Variants in SEMA3B observed in about 807,000 individuals in gnomAD.
SEMA3B encodes semaphorin 3B.
SEMA3B carries 71 observed loss-of-function variants against 77.8 expected under a neutral mutation model. The ratio of observed to expected loss-of-function variants is 0.91; its 90% CI spans 0.75 to 1.11. SEMA3B has a LOEUF of 1.11. SEMA3B is among the 50% of genes most tolerant of loss of function. The pLI, the probability that SEMA3B is intolerant of heterozygous loss-of-function variation, is 0.00. For missense variants in SEMA3B, 968 were observed against 1,056.8 expected (o/e 0.92, Z 1.17); for synonymous variants, 470 against 452.9 (o/e 1.04, Z -0.48).
the SEMA3B span, chr3:50,261,615 C>T: frequency 1.3e-5 from 2 of 152,310 alleles, no homozygotes; most frequent in African/African-American, 4.8e-5. Flanking sequence ...AGGTGCAGAC[C>T]TAGATGCCAG....
rs782813362 is a variant in SEMA3B at position 50,269,369 on chromosome 3, G to T, written c.109+20G>T. 2.9e-6 allele frequency: 4 copies of T among 1,398,522 alleles called. No homozygotes were observed. The Admixed American group carries it at 7.8e-5, about 27-fold the overall frequency. The allele number at this position is 1,398,522 out of a possible 1,614,324, so 86.6% of individuals were successfully genotyped here. ...TCCAAGGTAGGTGCACCTGGCAGGC[G>T]GGAGGGCCCAGCTTGAGGTGGGCAG... On this transcript the variant is annotated intron_variant, in intron 1 of 16. Coordinates refer to ENST00000616701, the MANE Select transcript of SEMA3B (RefSeq NM_001290060.2). The surrounding 1 kb of genome is among the most constrained non-coding windows in gnomAD (Gnocchi z 4.0).
In SEMA3B at chr3:50,276,471, C is replaced by A. The variant is rs377270978; in HGVS notation, c.2015C>A (p.Ala672Glu). Residue 672 changes from alanine (A) to glutamate (E), a missense_variant, in exon 17 of 17, where the codon GCG (alanine) becomes GAG (glutamate). By Grantham distance (107) the Ala-to-Glu change is moderately radical. Coordinates refer to ENST00000616701, the MANE Select transcript of SEMA3B (RefSeq NM_001290060.2). The surrounding 1 kb of genome is among the most constrained non-coding windows in gnomAD (Gnocchi z 5.8). Reference protein sequence around the residue: ...VLSATQAERLARAEEAAPAAP... With the variant: ...VLSATQAERLERAEEAAPAAP... ...AGTGCTACGCAGGCCGAACGACTGG[C>A]GCGGGCCGAGGAGGCTGCGCCCGCC... is the stretch of plus-strand genomic sequence containing the variant. 2.6e-5 allele frequency: 40 copies of A among 1,531,580 alleles called. No individual in the cohort carries two copies. The highest frequency in any genetic ancestry group is 3.4e-5 in the Non-Finnish European group (39 of 1,143,654). 94.9% of individuals were successfully genotyped at this position (1,531,580 alleles called of 1,614,324 possible).
At chr3:50,264,227 A>C (rs1190733147), upstream of SEMA3B, among the ~76,000 whole-genome samples, 1 of 152,062 alleles carries the variant, frequency 6.6e-6, no homozygotes, top group Non-Finnish European at 1.5e-5. Flanking sequence ...AGAAGAAAAA[A>C]AAAAGTACTG....
rs1701210834 is a variant in SEMA3B, at chr3:50,275,634, C to G, written c.1705+19C>G. On this transcript the variant is annotated intron_variant, in intron 15 of 16. Transcript: ENST00000616701. This position sits in a 1 kb window ranked among gnomAD's most constrained non-coding sequence, Gnocchi z 7.5. ...TCCGGAGGTGAGTGCCCCAGCTGCC[C>G]CTACCCTCAGCCCCAGAAGACGCCC... The G allele has an allele frequency of 1.2e-6, 2 of 1,613,718 alleles. No individual in the cohort carries two copies. The highest frequency in any genetic ancestry group is 1.7e-6 in the Non-Finnish European group (2 of 1,179,800).
At chr3:50,266,909 A>G (rs1389177456), upstream of SEMA3B, 2 of 152,218 alleles carry the variant, frequency 1.3e-5, no homozygotes, top group Non-Finnish European at 2.9e-5. Flanking sequence ...AGCCAGAGGA[A>G]GGGAGGTCAC....
rs782782150 is a variant in SEMA3B, at chr3:50,270,812, G to A, written c.331-78G>A. 1.9e-6 allele frequency: 3 copies of A among 1,539,544 alleles called. No homozygotes were observed. The highest frequency in any genetic ancestry group is 2.6e-6 in the Non-Finnish European group (3 of 1,138,986). ...TGGGCTGATGCCGAAGAGAGGGAGG[G>A]GTGAGGATGCCACTGGTGAGCTGGG... On this transcript the variant is annotated intron_variant, in intron 3 of 16. Transcript: ENST00000616701. This position sits in a 1 kb window ranked among gnomAD's most constrained non-coding sequence, Gnocchi z 4.7.
In SEMA3B at chr3:50,270,228, G is replaced by T. The variant is rs782783079; in HGVS notation, c.211G>T (p.Ala71Ser). 1.2e-5 allele frequency: 20 copies of T among 1,612,086 alleles called. No individual in the cohort carries two copies. The highest frequency in any genetic ancestry group is 1.7e-5 in the Non-Finnish European group (20 of 1,179,432). Reference protein sequence around the residue: ...DEERGRLFVGAENHVASLNLD... With the variant: ...DEERGRLFVGSENHVASLNLD... ...GGAGCGTGGACGCCTGTTTGTGGGT[G>T]CCGAGAACCATGTGGCCTCCCTCAA... The change falls in exon 2 of 17, where the codon GCC becomes TCC. Residue 71 changes from alanine (A) to serine (S), a missense_variant. By Grantham distance (99) the Ala-to-Ser change is moderately conservative (BLOSUM62 1). Transcript: ENST00000616701. This position sits in a 1 kb window ranked among gnomAD's most constrained non-coding sequence, Gnocchi z 4.7.
rs781952057 is a variant in SEMA3B at position 50,274,395 on chromosome 3, C to T, written c.1170C>T (p.Ser390=). Reference sequence around the variant, plus strand: ...GCAAGACCTTTGGCACCTTCAGTTCCACCAAGGACTTCCCAGACGATGTCA... The same window carrying T: ...GCAAGACCTTTGGCACCTTCAGTTCTACCAAGGACTTCCCAGACGATGTCA... The part of the protein sequence containing the change: ...CPSKTFGTFS[S]TKDFPDDVIQ... Residue 390 remains serine (S), a synonymous_variant, in exon 11 of 17, where the codon TCC becomes TCT. Transcript: ENST00000616701. This position sits in a 1 kb window ranked among gnomAD's most constrained non-coding sequence, Gnocchi z 4.7. The T allele has an allele frequency of 1.3e-6, 2 of 1,501,758 alleles. No individual in the cohort carries two copies. The highest frequency in any genetic ancestry group is 4.8e-5 in the East Asian group (2 of 41,988). The allele number at this position is 1,501,758 out of a possible 1,614,324, so 93.0% of individuals were successfully genotyped here. A position where few individuals can be genotyped will look rare whatever the true frequency, so the allele number is the denominator to read the frequency against.
Position 50,275,659 on chromosome 3 carries a change from C to T in SEMA3B, c.1705+44C>T, listed in dbSNP as rs782078370. ...CCTACCCTCAGCCCCAGAAGACGCC[C>T]CACCTGCCCTGCCTTGCCTAAATCT... On this transcript the variant is annotated intron_variant, in intron 15 of 16. Coordinates refer to ENST00000616701, the MANE Select transcript of SEMA3B (RefSeq NM_001290060.2). This position sits in a 1 kb window ranked among gnomAD's most constrained non-coding sequence, Gnocchi z 7.5. 44 of 1,613,328 alleles carry T rather than the reference C, an allele frequency of 2.7e-5. No individual in the cohort carries two copies. The East Asian group carries it at 4.0e-4, about 15-fold the overall frequency.
upstream of SEMA3B, among the ~76,000 whole-genome samples, chr3:50,265,377 T>C (rs1325060311): frequency 6.6e-6 from 1 of 151,846 alleles, no homozygotes; most frequent in Non-Finnish European, 1.5e-5. Context: ...ACTGGGAGGG[T>C]TGCCACAACC....
chr3:50,262,833 C>G (rs1553704120), upstream of SEMA3B: 1 of 152,318 alleles, frequency 6.6e-6, no homozygotes, highest in African/African-American at 2.4e-5. Flanking sequence ...CGTCTTCCAA[C>G]CCCGTGGAGA....
Position 50,273,195 on chromosome 3 carries a change from C to A in SEMA3B, c.665-103C>A. The stretch of plus-strand genomic sequence containing the variant: ...AGGTTGGGTGGTCAGACACTGTGAT[C>A]CCGGGTGCTGTGCCCGCACTACGGG... On this transcript the variant is annotated intron_variant, in intron 6 of 16. Coordinates refer to ENST00000616701, the MANE Select transcript of SEMA3B (RefSeq NM_001290060.2). The surrounding 1 kb of genome is among the most constrained non-coding windows in gnomAD (Gnocchi z 6.5). The A allele has an allele frequency of 6.8e-7, 1 of 1,477,844 alleles. No individual in the cohort carries two copies. The highest frequency in any genetic ancestry group is 9.1e-7 in the Non-Finnish European group (1 of 1,103,572). 91.5% of individuals were successfully genotyped at this position (1,477,844 alleles called of 1,614,324 possible).
Position 50,270,681 on chromosome 3 carries a change from C to T in SEMA3B, c.330+186C>T, listed in dbSNP as rs1701024055. On this transcript the variant is annotated intron_variant, in intron 3 of 16. Transcript: ENST00000616701. The surrounding 1 kb of genome is among the most constrained non-coding windows in gnomAD (Gnocchi z 4.7). Reference sequence around the variant, plus strand: ...TAATTCTTCTGGGGTGCCTCTGAGTCATGGGAGGCTTTGCAGGCCTGTGCT... The same window carrying T: ...TAATTCTTCTGGGGTGCCTCTGAGTTATGGGAGGCTTTGCAGGCCTGTGCT... The T allele has an allele frequency of 6.1e-6, 7 of 1,147,988 alleles. No individual in the cohort carries two copies. The Admixed American group carries it at 1.7e-4, about 27-fold the overall frequency. 71.1% of individuals were successfully genotyped at this position (1,147,988 alleles called of 1,614,324 possible).
At chr3:50,263,687 G>A (rs1162718588), upstream of SEMA3B, among the ~76,000 whole-genome samples, 1 of 151,852 alleles carries the variant, frequency 6.6e-6, no homozygotes, top group Non-Finnish European at 1.5e-5. Context: ...CTGGGGGAGG[G>A]TAAAGGGGTC....
Position 50,276,502 on chromosome 3 carries a change from G to A in SEMA3B, c.2046G>A (p.Pro682=). The change falls in exon 17 of 17, where the codon CCG becomes CCA. Residue 682 remains proline, a synonymous_variant. Transcript: ENST00000616701. The surrounding 1 kb of genome is among the most constrained non-coding windows in gnomAD (Gnocchi z 5.8). ...ARAEEAAPAA[P]PGPKLWYRDF... Reference sequence around the variant, plus strand: ...CCGAGGAGGCTGCGCCCGCCGCGCCGCCGGGCCCCAAACTCTGGTACCGGG... The same window carrying A: ...CCGAGGAGGCTGCGCCCGCCGCGCCACCGGGCCCCAAACTCTGGTACCGGG... The A allele has an allele frequency of 1.3e-6, 2 of 1,531,454 alleles. No homozygotes were observed. Among genetic ancestry groups the A allele is most frequent in the South Asian group, 1.2e-5 (1 of 83,582 alleles). The allele number at this position is 1,531,454 out of a possible 1,614,324, so 94.9% of individuals were successfully genotyped here.
chr3:50,268,211 C>G (rs1553704755), upstream of SEMA3B, among the ~76,000 whole-genome samples: 1 of 152,204 alleles, frequency 6.6e-6, no homozygotes, highest in Non-Finnish European at 1.5e-5. Context: ...AGAGAGAGCC[C>G]TCAAGCTCAA....
chr3:50,263,920 G>C (rs1231759299), upstream of SEMA3B, among the ~76,000 whole-genome samples: 1 of 151,996 alleles, frequency 6.6e-6, no homozygotes, highest in African/African-American at 2.4e-5. Flanking sequence ...TGAGGTGGCC[G>C]GGAGCGGTGA....
In SEMA3B at chr3:50,270,099, G is replaced by A. The variant is rs913293233; in HGVS notation, c.110-28G>A. 25 of 1,505,260 alleles carry A rather than the reference G, an allele frequency of 1.7e-5. No homozygotes were observed. The highest frequency in any genetic ancestry group is 5.0e-5 in the East Asian group (2 of 40,342). 93.2% of individuals were successfully genotyped at this position (1,505,260 alleles called of 1,614,324 possible). On this transcript the variant is annotated intron_variant, in intron 1 of 16. Transcript: ENST00000616701. The surrounding 1 kb of genome is among the most constrained non-coding windows in gnomAD (Gnocchi z 4.7). The stretch of plus-strand genomic sequence containing the variant: ...GGGGGAGGCTTCCAGCATGGCTGGC[G>A]AGTCATCAGCAGTGTCCTGCCCTGC...
Position 50,270,853 on chromosome 3 carries a change from G to A in SEMA3B, c.331-37G>A, listed in dbSNP as rs199943198. 476 of 1,565,182 alleles carry A rather than the reference G, an allele frequency of 3.0e-4. No homozygotes were observed. Among genetic ancestry groups the A allele is most frequent in the Middle Eastern group, 6.6e-4 (4 of 6,032 alleles). The stretch of plus-strand genomic sequence containing the variant: ...GTGAGCTGGGACCTCTTAAGGCTAC[G>A]TCCCTGGGGGAAGCCTCACACCTCC... On this transcript the variant is annotated intron_variant, in intron 3 of 16. Transcript: ENST00000616701. The surrounding 1 kb of genome is among the most constrained non-coding windows in gnomAD (Gnocchi z 4.7).
Sources: gnomAD v4.1 joint callset for allele counts (sites outside exome capture counted in the v4.1 genomes callset) on GRCh38, gnomAD v4.1.1 for gene constraint, Gnocchi (gnomAD v3.1) non-coding constraint, MANE v1.5 for transcripts, NCBI Gene and HGNC (gene_info 2026-07-23, HGNC 2026-07-21) for gene names.